The following THEMIS variants were observed in gnomAD, a reference collection of about 807,000 sequenced individuals.
The protein encoded by THEMIS is protein THEMIS.
Under a neutral mutation model 52.6 loss-of-function variants are expected in THEMIS, and 37 were observed. That is an observed-to-expected ratio of 0.70 (90% CI 0.54 to 0.93). THEMIS has a LOEUF of 0.93. THEMIS is among the 40% of genes least tolerant of loss of function. THEMIS has a pLI of 0.00. For synonymous variants in THEMIS, 292 were observed against 272.7 expected, an observed-to-expected ratio of 1.07 and a Z score of -0.70; for missense variants, 808 against 763.1, an observed-to-expected ratio of 1.06 and a Z score of -0.69.
At chr6:127,855,561 A>G (rs1779591702) in intron 1 of THEMIS, among the ~76,000 whole-genome samples, 1 of 151,968 alleles carries the variant, frequency 6.6e-6, no homozygotes, top group Non-Finnish European at 1.5e-5. Flanking sequence ...GATCTAAATA[A>G]CAACTGCAAA....
intron 4 of THEMIS, among the ~76,000 whole-genome samples, chr6:127,724,444 C>A (rs577819541): frequency 1.3e-5 from 2 of 152,182 alleles, no homozygotes; most frequent in South Asian, 2.1e-4. Context: ...TCTGTCAGAT[C>A]CTGCTTCTGT....
intron 3 of THEMIS, among the ~76,000 whole-genome samples, chr6:127,815,529 A>G (rs1419433741): frequency 6.6e-6 from 1 of 152,200 alleles, no homozygotes; most frequent in Non-Finnish European, 1.5e-5. Context: ...AAAAAAAATA[A>G]AAAATCAGTG....
At chr6:127,706,252 A>T (rs1215951631), downstream of THEMIS, among the ~76,000 whole-genome samples, 1 of 152,070 alleles carries the variant, frequency 6.6e-6, no homozygotes, top group Admixed American at 6.6e-5. Context: ...TGCATTGAGG[A>T]CTTACTTTTT....
chr6:127,713,256 C>G (rs1774041702), intron 5 of THEMIS, among the ~76,000 whole-genome samples: 1 of 151,878 alleles, frequency 6.6e-6, no homozygotes, highest in African/African-American at 2.4e-5. Context: ...TTTATTTCCC[C>G]TCTCATTTGA....
chr6:127,901,251 C>T (rs1342388433), upstream of THEMIS, among the ~76,000 whole-genome samples: 2 of 152,104 alleles, frequency 1.3e-5, no homozygotes, highest in East Asian at 1.9e-4. Flanking sequence ...GTAGCGCATT[C>T]TGTCCTTTGT....
At position 127,752,968 on chromosome 6, in the gene THEMIS, C is replaced by T. The variant is rs563427339; in HGVS notation, c.1759-33145G>A. Among the ~76,000 whole-genome samples, 16 of 151,894 alleles carry T rather than the reference C, an allele frequency of 1.1e-4. No individual in the cohort carries two copies. In the South Asian group the frequency reaches 2.9e-3, roughly 28 times the overall value. On this transcript the variant is annotated intron_variant, in intron 4 of 5. Transcript: ENST00000368248. ...AATAACATATTTTAAAAATCATTCA[C>T]TATGAGCAAGATTTTCCCCTGGCAT...
At chr6:127,781,841 G>C (rs1382924538) in intron 4 of THEMIS, among the ~76,000 whole-genome samples, 3 of 152,138 alleles carry the variant, frequency 2.0e-5, no homozygotes, top group Non-Finnish European at 1.5e-5. Flanking sequence ...ACCCCTCCCA[G>C]GAGGTGTCTC....
the THEMIS span, among the ~76,000 whole-genome samples, chr6:127,698,659 T>C: frequency 2.6e-5 from 4 of 152,046 alleles, no homozygotes; most frequent in Non-Finnish European, 5.9e-5. Flanking sequence ...TCTCCTGTTG[T>C]GGGTGTGGTT....
chr6:127,861,783 C>CAAAAAAAA (rs1225783673), intron 1 of THEMIS, among the ~76,000 whole-genome samples: 26 of 95,686 alleles, frequency 2.7e-4, no homozygotes, highest in Non-Finnish European at 4.1e-4. Context: ...GACTCCATCT[C>CAAAAAAAA]AAAAAAAAAA....
At chr6:127,761,336 C>A (rs1583244471) in intron 4 of THEMIS, among the ~76,000 whole-genome samples, 1 of 152,070 alleles carries the variant, frequency 6.6e-6, no homozygotes, top group African/African-American at 2.4e-5. Context: ...AAAAATGCCT[C>A]TCACTCAAGC....
the THEMIS span, among the ~76,000 whole-genome samples, chr6:127,698,350 A>G: frequency 6.6e-6 from 1 of 152,258 alleles, no homozygotes; most frequent in African/African-American, 2.4e-5. Context: ...TCTTTGAACT[A>G]CATTATGGAC....
At chr6:127,721,239 C>T (rs1422932191) in intron 4 of THEMIS, among the ~76,000 whole-genome samples, 1 of 151,964 alleles carries the variant, frequency 6.6e-6, no homozygotes, top group East Asian at 1.9e-4. Context: ...CTGAGACCAG[C>T]TCAAGTCAGA....
the THEMIS span, among the ~76,000 whole-genome samples, chr6:127,698,680 C>T: frequency 6.6e-6 from 1 of 151,910 alleles, no homozygotes; most frequent in Admixed American, 6.6e-5. Flanking sequence ...TGACATATTT[C>T]CTAGAAGCTA....
intron 4 of THEMIS, among the ~76,000 whole-genome samples, chr6:127,745,282 T>C (rs972328270): frequency 1.3e-5 from 2 of 151,860 alleles, no homozygotes; most frequent in Non-Finnish European, 2.9e-5. Flanking sequence ...AAGCAATTAA[T>C]CTTAAATCTA....
At position 127,724,858 on chromosome 6, in the gene THEMIS, A is replaced by G. The variant is rs1448278706; in HGVS notation, c.1759-5035T>C. Among the ~76,000 whole-genome samples the G allele has an allele frequency of 2.0e-5, 3 of 152,092 alleles. No homozygotes were observed. In the East Asian group the frequency reaches 5.8e-4, roughly 29 times the overall value. The stretch of plus-strand genomic sequence containing the variant: ...CAAGATGTCCACAAAAAAAAATTGG[A>G]AAGAGCTCTTCAAATCTATCTTTCA... On this transcript the variant is annotated intron_variant, in intron 4 of 5. Transcript: ENST00000368248.
chr6:127,875,180 C>T (rs1194664333), intron 1 of THEMIS, among the ~76,000 whole-genome samples: 3 of 152,226 alleles, frequency 2.0e-5, no homozygotes, highest in Non-Finnish European at 2.9e-5. Context: ...AATTTGGGAA[C>T]CACTGGAGTA....
rs1459836518 is a variant in THEMIS, at chr6:127,862,469, G to GAGTGC, written c.92-7286_92-7282dup. 4.4e-4 allele frequency among the ~76,000 whole-genome samples: 38 copies of GAGTGC among 87,042 alleles called. No homozygotes were observed. The Middle Eastern group carries it at 0.042, about 95-fold the overall frequency. The allele number at this position is 87,042 out of a possible 152,430, so 57.1% of individuals were successfully genotyped here. A position where few individuals can be genotyped will look rare whatever the true frequency, so the allele number is the denominator to read the frequency against. On this transcript the variant is annotated intron_variant, in intron 1 of 5. Transcript: ENST00000368248. ...TTTTTTTGCTCTGTTGCCCAGGCTG[G>GAGTGC]AGTGCAGTGGCGCAAACTCTGCTCA... is the stretch of plus-strand genomic sequence containing the variant.
chr6:127,774,345 A>C (rs1776485664), intron 4 of THEMIS, among the ~76,000 whole-genome samples: 1 of 152,202 alleles, frequency 6.6e-6, no homozygotes, highest in African/African-American at 2.4e-5. Flanking sequence ...AGCTGGGACT[A>C]AGGGCGCCAG....
Position 127,845,458 on chromosome 6 carries a change from T to A in THEMIS, c.250+9572A>T, listed in dbSNP as rs562292372. On this transcript the variant is annotated intron_variant, in intron 2 of 5. Transcript: ENST00000368248. ...AACTTTGTGGCACTTTAACTTGTAT[T>A]CCCATTCTCTCCTCCCCGACACTCA... 4.6e-5 allele frequency among the ~76,000 whole-genome samples: 7 copies of A among 152,008 alleles called. No individual in the cohort carries two copies. In the South Asian group the frequency reaches 1.2e-3, roughly 27 times the overall value.
Sources: allele counts gnomAD v4.1 joint callset (sites outside exome capture counted in the v4.1 genomes callset), GRCh38; gene constraint gnomAD v4.1.1; transcripts MANE v1.5; gene names NCBI Gene and HGNC (gene_info 2026-07-23, HGNC 2026-07-21).